Variants in NCOA6 observed in about 807,000 individuals in gnomAD.
NCOA6 encodes NRC RAP250.
Under a neutral mutation model 171.4 loss-of-function variants are expected in NCOA6, and 49 were observed. The observed-to-expected ratio is 0.29, with a 90% CI of 0.23 to 0.36. The LOEUF (loss-of-function observed/expected upper bound fraction) is 0.36. NCOA6 is among the 10% of genes least tolerant of loss of function. The probability of loss-of-function intolerance (pLI) is 1.00; values close to 1 mark genes in which losing one functional copy is unlikely to be tolerated. For missense variants in NCOA6, 2,248 were observed against 2,554.5 expected (o/e 0.88, Z 2.59); for synonymous variants, 910 against 927.5 (o/e 0.98, Z 0.34).
intron 1 of NCOA6, among the ~76,000 whole-genome samples, chr20:34,808,718 G>A (rs532773958): frequency 4.6e-5 from 7 of 152,254 alleles, no homozygotes; most frequent in Admixed American, 3.9e-4. Context: ...GATTACAGGC[G>A]TGAGCCACAG....
chr20:34,726,520 T>C (rs910499362), intron 14 of NCOA6, among the ~76,000 whole-genome samples: 6 of 152,146 alleles, frequency 3.9e-5, no homozygotes, highest in African/African-American at 1.4e-4. Context: ...GCGTGGTGGC[T>C]CAGCCTGTAA....
intron 3 of NCOA6, 41 bp from the exon 4 acceptor site, chr20:34,776,489 A>C: frequency 6.2e-7 from 1 of 1,601,144 alleles, no homozygotes; most frequent in South Asian, 1.1e-5. Context: ...ATAATCTTTT[A>C]GCCACCAGAG....
intron 1 of NCOA6, among the ~76,000 whole-genome samples, chr20:34,805,833 G>A (rs528238984): frequency 6.6e-5 from 10 of 151,988 alleles, no homozygotes; most frequent in South Asian, 4.2e-4. Flanking sequence ...GATTACAGGC[G>A]CACACCATTG....
At chr20:34,763,548 A>G (rs1430170776) in intron 5 of NCOA6, among the ~76,000 whole-genome samples, 2 of 152,196 alleles carry the variant, frequency 1.3e-5, no homozygotes, top group African/African-American at 4.8e-5. Flanking sequence ...TAAATTCAGA[A>G]TATAAGCTCA....
At chr20:34,799,425 T>G (rs1216489233) in intron 1 of NCOA6, among the ~76,000 whole-genome samples, 1 of 152,148 alleles carries the variant, frequency 6.6e-6, no homozygotes, top group Non-Finnish European at 1.5e-5. Flanking sequence ...TTTATTCAAA[T>G]GAATAATAAC....
intron 11 of NCOA6, among the ~76,000 whole-genome samples, chr20:34,739,647 G>A (rs1192359790): frequency 1.3e-5 from 2 of 152,174 alleles, no homozygotes; most frequent in East Asian, 3.8e-4. Context: ...AAGGCACAGT[G>A]TTAAATGGGA....
At chr20:34,813,699 A>T (rs2078745933) in intron 1 of NCOA6, among the ~76,000 whole-genome samples, 1 of 152,160 alleles carries the variant, frequency 6.6e-6, no homozygotes, top group Admixed American at 6.5e-5. Flanking sequence ...ATATGACAAC[A>T]TGTTGAATAT....
chr20:34,814,149 T>C (rs917050517), intron 1 of NCOA6, among the ~76,000 whole-genome samples: 2 of 151,898 alleles, frequency 1.3e-5, no homozygotes, highest in Non-Finnish European at 2.9e-5. Context: ...GTCAACACGG[T>C]GAAATCCCAT....
At chr20:34,744,707 T>C (rs1468995255) in intron 10 of NCOA6, among the ~76,000 whole-genome samples, 1 of 152,222 alleles carries the variant, frequency 6.6e-6, no homozygotes, top group Non-Finnish European at 1.5e-5. Flanking sequence ...AGTAACTTCT[T>C]CACCTTTATA....
At chr20:34,767,329 C>A (rs765314255) in intron 5 of NCOA6, among the ~76,000 whole-genome samples, 4 of 152,100 alleles carry the variant, frequency 2.6e-5, no homozygotes, top group Non-Finnish European at 5.9e-5. Context: ...TAGAGTCTCA[C>A]TCTGTTGCCC....
rs773261293 is a variant in NCOA6 at position 34,757,911 on chromosome 20, C to CTGT, written c.834_836dup (p.Gln285dup). 1.2e-6 allele frequency: 2 copies of CTGT among 1,613,616 alleles called. No homozygotes were observed. The highest frequency in any genetic ancestry group is 2.2e-5 in the East Asian group (1 of 44,740). ...CCTGCAACTGTTGTTGCTGCTGTTG[C>CTGT]TGTTGTTGCTGCTGCTGCTGCTGCT... On this transcript the variant is annotated inframe_insertion, in exon 7 of 15. Transcript: ENST00000359003.
At chr20:34,821,968 T>C (rs1158352637) in intron 1 of NCOA6, among the ~76,000 whole-genome samples, 10 of 152,178 alleles carry the variant, frequency 6.6e-5, no homozygotes, top group South Asian at 4.1e-4. Context: ...CCACTCACAA[T>C]GTCAATAATC....
chr20:34,716,766 T>TA (rs199646400), intron 14 of NCOA6, among the ~76,000 whole-genome samples: 2,086 of 139,978 alleles, frequency 0.015, 28 homozygotes, highest in Middle Eastern at 0.049. Context: ...CATCTCTATT[T>TA]AAAAAAAAAA....
At chr20:34,803,642 C>A (rs1007721943) in intron 1 of NCOA6, among the ~76,000 whole-genome samples, 1 of 152,072 alleles carries the variant, frequency 6.6e-6, no homozygotes, top group African/African-American at 2.4e-5. Flanking sequence ...ATAAGCTTAA[C>A]AATCTAGGAA....
chr20:34,801,123 A>T (rs566138380), intron 1 of NCOA6, among the ~76,000 whole-genome samples: 1 of 152,328 alleles, frequency 6.6e-6, no homozygotes, highest in African/African-American at 2.4e-5. Context: ...GTCCATGAGG[A>T]AATTAAGGAG....
intron 14 of NCOA6, among the ~76,000 whole-genome samples, chr20:34,722,616 G>C: frequency 6.7e-6 from 1 of 148,572 alleles, no homozygotes; most frequent in East Asian, 2.0e-4. Flanking sequence ...GGAGTTCAAG[G>C]TTACAGTGAG....
At chr20:34,809,856 C>T (rs1383640314) in intron 1 of NCOA6, among the ~76,000 whole-genome samples, 1 of 152,058 alleles carries the variant, frequency 6.6e-6, no homozygotes, top group African/African-American at 2.4e-5. Flanking sequence ...TAGTCACAGC[C>T]ACTCGGGAGG....
Position 34,740,653 on chromosome 20 carries a change from T to C in NCOA6, c.5603A>G (p.Glu1868Gly). ...DTTAPGLMGT[E>G]QLSTELDSKT... is the part of the protein sequence containing the mutation. ...ACTGTCCAGCTCTGTGGATAACTGC[T>C]CTGTTCCCATGAGCCCCGGAGCTGT... Residue 1868 changes from glutamate (E) to glycine (G), a missense_variant, in exon 11 of 15, where the codon GAG becomes GGG. By Grantham distance (98) the Glu-to-Gly change is moderately conservative. Transcript: ENST00000359003. The C allele has an allele frequency of 6.2e-7, 1 of 1,614,194 alleles. No individual in the cohort carries two copies.
chr20:34,809,500 C>T (rs7271289), intron 1 of NCOA6: 63,490 of 398,346 alleles, frequency 0.16, 5,504 homozygotes, highest in South Asian at 0.33. Flanking sequence ...GTCAGTGGGA[C>T]CCCTCTCCAT....
Sources: allele counts gnomAD v4.1 joint callset (sites outside exome capture counted in the v4.1 genomes callset), GRCh38; gene constraint gnomAD v4.1.1; transcripts MANE v1.5; gene names NCBI Gene and HGNC (gene_info 2026-07-23, HGNC 2026-07-21).